Variants in NFIB observed in about 807,000 individuals in gnomAD.
NFIB encodes nuclear factor I B.
Under a neutral mutation model 61.5 loss-of-function variants are expected in NFIB, and 11 were observed. The observed-to-expected ratio is 0.18, with a 90% CI of 0.11 to 0.30. The LOEUF is 0.30. NFIB is among the 10% of genes least tolerant of loss of function. The pLI, the probability that NFIB is intolerant of heterozygous loss-of-function variation, is 1.00. For missense variants in NFIB, 471 were observed against 608.9 expected, an observed-to-expected ratio of 0.77 and a Z score of 2.38; for synonymous variants, 260 against 216.5, an observed-to-expected ratio of 1.20 and a Z score of -1.76.
chr9:14,403,010 T>C (rs1247955247), upstream of NFIB, among the ~76,000 whole-genome samples: 3 of 152,240 alleles, frequency 2.0e-5, no homozygotes, highest in African/African-American at 4.8e-5. Context: ...AAATACTGAA[T>C]CTGGACTGGA....
At chr9:14,167,079 GTGTC>G (rs2044897466) in intron 3 of NFIB, among the ~76,000 whole-genome samples, 3 of 107,604 alleles carry the variant, frequency 2.8e-5, no homozygotes, top group African/African-American at 1.2e-4. Context: ...TTGTGTGTGT[GTGTC>G]GGGGGGGGGG....
the NFIB span, among the ~76,000 whole-genome samples, chr9:14,493,115 G>A: frequency 2.6e-5 from 4 of 152,200 alleles, no homozygotes; most frequent in African/African-American, 9.7e-5. Flanking sequence ...CTCTAAGGCA[G>A]TGCTCTCTCT....
At chr9:14,326,383 G>T (rs2060752291) in intron 1 of NFIB, among the ~76,000 whole-genome samples, 1 of 152,162 alleles carries the variant, frequency 6.6e-6, no homozygotes, top group African/African-American at 2.4e-5. Flanking sequence ...ACACCACACT[G>T]CCCAGGACAG....
At chr9:14,508,509 G>C in the NFIB span, among the ~76,000 whole-genome samples, 5 of 152,300 alleles carry the variant, frequency 3.3e-5, no homozygotes, top group Admixed American at 6.5e-5. Context: ...ATACAGTCTA[G>C]AACTGACATC....
rs115058952 is a variant in NFIB, at chr9:14,363,356, C to T, written c.108+35168G>A. ...TGCCCCTCCTTGGAAGAACACTCTA[C>T]TGTGGGCTAATTATTACAATGGCTT... On this transcript the variant is annotated intron_variant, in intron 1 of 8. Transcript: ENST00000380934. Among the ~76,000 whole-genome samples the T allele has an allele frequency of 4.3e-3, 651 of 152,222 alleles. 3 individuals are homozygous for T. Among genetic ancestry groups the T allele is most frequent in the African/African-American group, 0.014 (582 of 41,544 alleles).
At chr9:14,355,174 A>G (rs755282370) in intron 1 of NFIB, among the ~76,000 whole-genome samples, 34 of 152,148 alleles carry the variant, frequency 2.2e-4, no homozygotes, top group Non-Finnish European at 4.0e-4. Context: ...TCAGAATGTG[A>G]CTGTATTTGG....
At chr9:14,338,189 T>A (rs2060906664) in intron 1 of NFIB, among the ~76,000 whole-genome samples, 1 of 152,036 alleles carries the variant, frequency 6.6e-6, no homozygotes, top group Non-Finnish European at 1.5e-5. Flanking sequence ...GGTCAGAAGA[T>A]CGAGACCATC....
At chr9:14,314,742 C>T (rs1249081675), upstream of NFIB, among the ~76,000 whole-genome samples, 3 of 144,968 alleles carry the variant, frequency 2.1e-5, no homozygotes, top group African/African-American at 7.6e-5. Flanking sequence ...TCTCCCCCCA[C>T]CTCTCCCTCA....
Position 14,084,460 on chromosome 9 carries a change from T to C in NFIB, c.*3849A>G, listed in dbSNP as rs1260567731. On this transcript the variant is annotated 3_prime_UTR_variant, in exon 11 of 11. Coordinates refer to ENST00000380953, the MANE Select transcript of NFIB (RefSeq NM_001190737.2). ...ACCCGAACATTACCCGATAACTATA[T>C]TGCTATAATTAAGATTTTTGCCATG... 2 of 224,738 alleles carry C rather than the reference T, an allele frequency of 8.9e-6. No homozygotes were observed. The highest frequency in any genetic ancestry group is 1.8e-5 in the Non-Finnish European group (2 of 112,546). 13.9% of individuals were successfully genotyped at this position (224,738 alleles called of 1,614,324 possible). A position where few individuals can be genotyped will look rare whatever the true frequency, so the allele number is the denominator to read the frequency against.
chr9:14,475,348 AC>A, the NFIB span, among the ~76,000 whole-genome samples: 1 of 152,158 alleles, frequency 6.6e-6, no homozygotes, highest in African/African-American at 2.4e-5. Flanking sequence ...TAGGATAAGA[AC>A]CTTTCGACCA....
the NFIB span, among the ~76,000 whole-genome samples, chr9:14,465,085 C>A: frequency 6.6e-6 from 1 of 152,226 alleles, no homozygotes; most frequent in Non-Finnish European, 1.5e-5. Context: ...CTGTCATAAA[C>A]AAGATGTGCT....
At chr9:14,160,831 C>CAAA (rs36063048) in intron 3 of NFIB, among the ~76,000 whole-genome samples, 5,042 of 95,534 alleles carry the variant, frequency 0.053, 427 homozygotes, top group African/African-American at 0.18. Flanking sequence ...AAGGAAATCT[C>CAAA]AAAAAAAAAA....
intron 2 of NFIB, among the ~76,000 whole-genome samples, chr9:14,270,580 A>C (rs1209428787): frequency 8.3e-4 from 4 of 4,832 alleles, no homozygotes; most frequent in African/African-American, 2.3e-3. Flanking sequence ...CTTAGATCAC[A>C]AAAAAAAAAA....
intron 3 of NFIB, among the ~76,000 whole-genome samples, chr9:14,157,967 C>A (rs2043637378): frequency 6.6e-6 from 1 of 151,652 alleles, no homozygotes. Flanking sequence ...AAAAATTAGC[C>A]GGGCATGGTG....
At chr9:14,420,242 T>A in the NFIB span, among the ~76,000 whole-genome samples, 1 of 150,924 alleles carries the variant, frequency 6.6e-6, no homozygotes, top group Non-Finnish European at 1.5e-5. Flanking sequence ...AGGTCAGGAG[T>A]TTGAGACCAG....
the NFIB span, among the ~76,000 whole-genome samples, chr9:14,430,699 C>T: frequency 1.2e-4 from 19 of 152,218 alleles, no homozygotes; most frequent in Middle Eastern, 3.4e-3. Flanking sequence ...CTCATGCCTC[C>T]GCCTCCCAAG....
chr9:14,147,488 A>G (rs988502683), intron 5 of NFIB, among the ~76,000 whole-genome samples: 1 of 151,988 alleles, frequency 6.6e-6, no homozygotes, highest in Non-Finnish European at 1.5e-5. Context: ...ATCATTAATA[A>G]TAAAAAATTA....
chr9:14,106,755 T>A (rs906316092), intron 10 of NFIB, among the ~76,000 whole-genome samples: 1 of 152,058 alleles, frequency 6.6e-6, no homozygotes, highest in Non-Finnish European at 1.5e-5. Flanking sequence ...TTTATTCAAA[T>A]GGGGGTCCTC....
chr9:14,279,438 T>A (rs2058222097), intron 2 of NFIB, among the ~76,000 whole-genome samples: 1 of 152,122 alleles, frequency 6.6e-6, no homozygotes, highest in African/African-American at 2.4e-5. Flanking sequence ...ATTGAGACCT[T>A]ATTAAATCCT....
Sources: allele counts gnomAD v4.1 joint callset (sites outside exome capture counted in the v4.1 genomes callset), GRCh38; gene constraint gnomAD v4.1.1; transcripts MANE v1.5; gene names NCBI Gene and HGNC (gene_info 2026-07-23, HGNC 2026-07-21).